SLC39A10: variants seen among roughly 807,000 people sequenced by gnomAD.
The protein encoded by SLC39A10 is solute carrier family 39 member 10.
Under a neutral mutation model 65.1 loss-of-function variants are expected in SLC39A10, and 13 were observed. The ratio of observed to expected loss-of-function variants is 0.20; its 90% CI spans 0.13 to 0.32. The LOEUF (loss-of-function observed/expected upper bound fraction) is 0.32, where lower values mean the gene tolerates loss of function less well. Among genes scored for constraint, SLC39A10 ranks in the 10% least tolerant of loss-of-function variants. The pLI, the probability that SLC39A10 is intolerant of heterozygous loss-of-function variation, is 1.00. For synonymous variants in SLC39A10, 321 were observed against 342.2 expected, an observed-to-expected ratio of 0.94 and a Z score of 0.68; for missense variants, 831 against 1,018.4, an observed-to-expected ratio of 0.82 and a Z score of 2.50.
At chr2:195,624,510 A>G (rs1688421739) in intron 2 of SLC39A10, among the ~76,000 whole-genome samples, 1 of 152,156 alleles carries the variant, frequency 6.6e-6, no homozygotes, top group South Asian at 2.1e-4. Flanking sequence ...TGTTGTTTCC[A>G]GGTATTAAAG....
At chr2:195,615,221 A>G (rs1688180193) in intron 2 of SLC39A10, among the ~76,000 whole-genome samples, 1 of 152,190 alleles carries the variant, frequency 6.6e-6, no homozygotes, top group African/African-American at 2.4e-5. Flanking sequence ...TATCATCACA[A>G]TGCAGTTTCT....
At position 195,735,200 on chromosome 2, in the gene SLC39A10, C is replaced by G. The variant is rs1260928348; in HGVS notation, c.*159C>G. 1 of 606,894 alleles carries G rather than the reference C, an allele frequency of 1.6e-6. No homozygotes were observed. Among genetic ancestry groups the G allele is most frequent in the African/African-American group, 1.9e-5 (1 of 52,040 alleles). The allele number at this position is 606,894 out of a possible 1,614,324, so 37.6% of individuals were successfully genotyped here. A position where few individuals can be genotyped will look rare whatever the true frequency, so the allele number is the denominator to read the frequency against. On this transcript the variant is annotated 3_prime_UTR_variant, in exon 10 of 10. Coordinates refer to ENST00000359634, the MANE Select transcript of SLC39A10 (RefSeq NM_020342.3). ...AACCACAAGAGGCTGGTGCTTAGTA[C>G]TGTTTTCCCTGCACGTAGGGGTCTT...
chr2:195,640,347 A>G (rs1309644039), intron 2 of SLC39A10, among the ~76,000 whole-genome samples: 1 of 152,068 alleles, frequency 6.6e-6, no homozygotes, highest in African/African-American at 2.4e-5. Flanking sequence ...AAAGAAAAAA[A>G]AAAAAAAAAC....
rs1224723017 is a variant in SLC39A10 at position 195,736,836 on chromosome 2, G to GGT, written c.*1797_*1798dup. ...GGCCCTTCAAGCAACCTAGCTAAAA[G>GGT]GTGCTGATATTTTATTTAGTACTGC... On this transcript the variant is annotated 3_prime_UTR_variant, in exon 10 of 10. Coordinates refer to ENST00000359634, the MANE Select transcript of SLC39A10 (RefSeq NM_020342.3). 2.6e-5 allele frequency: 4 copies of GGT among 152,508 alleles called. No individual in the cohort carries two copies. The highest frequency in any genetic ancestry group is 2.0e-4 in the Admixed American group (3 of 15,264). The allele number at this position is 152,508 out of a possible 1,614,324, so 9.4% of individuals were successfully genotyped here.
In SLC39A10 at chr2:195,716,346, G is replaced by C. The variant is rs560089409; in HGVS notation, c.1697-291G>C. 2.6e-5 allele frequency among the ~76,000 whole-genome samples: 4 copies of C among 152,146 alleles called. No homozygotes were observed. The East Asian group carries it at 7.7e-4, about 29-fold the overall frequency. ...TTTTCTCCTCACTTTGCCTGCTTTTGATTTCAGTTCCCTCCCGTTGACCTC... is the reference window on the plus strand; with the variant it reads ...TTTTCTCCTCACTTTGCCTGCTTTTCATTTCAGTTCCCTCCCGTTGACCTC... On this transcript the variant is annotated intron_variant, in intron 6 of 9. Transcript: ENST00000359634.
chr2:195,718,200 T>G, intron 7 of SLC39A10, 52 bp from the exon 8 acceptor site: 1 of 1,432,056 alleles, frequency 7.0e-7, no homozygotes, highest in East Asian at 2.3e-5. Flanking sequence ...AATGAAAATG[T>G]GAAGAGTTAA....
rs200033686 is a variant in SLC39A10, at chr2:195,737,371, T to TC, written c.*2331dup. The stretch of plus-strand genomic sequence containing the variant: ...CCATATGAATTTTGGTATATATCAA[T>TC]CAATCAATCAATCACATTGCATTCA... On this transcript the variant is annotated 3_prime_UTR_variant, in exon 10 of 10. Transcript: ENST00000359634. 1,318 of 150,704 alleles carry TC rather than the reference T, an allele frequency of 8.7e-3. 16 individuals are homozygous for TC. Among genetic ancestry groups the TC allele is most frequent in the Non-Finnish European group, 0.011 (749 of 67,534 alleles). 9.3% of individuals were successfully genotyped at this position (150,704 alleles called of 1,614,324 possible).
At chr2:195,716,535 AC>A in intron 6 of SLC39A10, 101 bp from the exon 7 acceptor site, 1 of 882,350 alleles carries the variant, frequency 1.1e-6, no homozygotes, top group Non-Finnish European at 1.6e-6. Flanking sequence ...ATTCTAAAAG[AC>A]ATTCACTTAA....
intron 2 of SLC39A10, among the ~76,000 whole-genome samples, chr2:195,617,796 G>A (rs1246408796): frequency 6.6e-6 from 1 of 150,576 alleles, no homozygotes; most frequent in Non-Finnish European, 1.5e-5. Flanking sequence ...CTGGAGTGCA[G>A]TGGCACAATC....
At chr2:195,633,322 C>G (rs1408335671) in intron 2 of SLC39A10, among the ~76,000 whole-genome samples, 1 of 152,254 alleles carries the variant, frequency 6.6e-6, no homozygotes, top group African/African-American at 2.4e-5. Flanking sequence ...TGAGCGGTTG[C>G]AGGAGGCTAG....
At chr2:195,646,897 T>A (rs1688931200) in intron 2 of SLC39A10, among the ~76,000 whole-genome samples, 1 of 152,122 alleles carries the variant, frequency 6.6e-6, no homozygotes, top group African/African-American at 2.4e-5. Context: ...CCCCCTGCCA[T>A]CTGTGGAAAA....
intron 2 of SLC39A10, among the ~76,000 whole-genome samples, chr2:195,637,658 A>G: frequency 6.6e-6 from 1 of 152,256 alleles, no homozygotes; most frequent in East Asian, 1.9e-4. Flanking sequence ...GCTCATTCTT[A>G]ACCATAATTG....
At chr2:195,662,501 C>CTT (rs10684556) in intron 1 of SLC39A10, among the ~76,000 whole-genome samples, 151,714 of 152,288 alleles carry the variant, frequency 1, 75,577 homozygotes, top group Middle Eastern at 1. Context: ...GTCTCAAACT[C>CTT]GAACTCAAGT....
At chr2:195,724,069 A>G (rs1692147399) in intron 8 of SLC39A10, among the ~76,000 whole-genome samples, 1 of 152,240 alleles carries the variant, frequency 6.6e-6, no homozygotes, top group Non-Finnish European at 1.5e-5. Flanking sequence ...GAAATTGAAC[A>G]TTCATTGTAT....
At chr2:195,629,463 G>C (rs1688540510) in intron 2 of SLC39A10, among the ~76,000 whole-genome samples, 1 of 150,364 alleles carries the variant, frequency 6.7e-6, no homozygotes, top group Non-Finnish European at 1.5e-5. Context: ...ACAGTTTATA[G>C]CCAGGTCCCA....
chr2:195,622,617 A>C (rs1002169165), intron 2 of SLC39A10, among the ~76,000 whole-genome samples: 2 of 152,204 alleles, frequency 1.3e-5, no homozygotes. Context: ...AGGGAGTTTT[A>C]AAAGAGCTCA....
At chr2:195,726,036 C>T (rs1301909690) in intron 8 of SLC39A10, among the ~76,000 whole-genome samples, 1 of 152,154 alleles carries the variant, frequency 6.6e-6, no homozygotes, top group African/African-American at 2.4e-5. Flanking sequence ...TGTCCAAATT[C>T]ATAGAAGTCT....
At chr2:195,659,867 TCC>T (rs2105727455) in intron 1 of SLC39A10, among the ~76,000 whole-genome samples, 1 of 152,264 alleles carries the variant, frequency 6.6e-6, no homozygotes, top group Non-Finnish European at 1.5e-5. Context: ...CTCCACTCCC[TCC>T]TTGACTACCC....
At chr2:195,676,102 T>C (rs1159369625) in intron 1 of SLC39A10, among the ~76,000 whole-genome samples, 1 of 152,208 alleles carries the variant, frequency 6.6e-6, no homozygotes, top group East Asian at 1.9e-4. Context: ...TTATATACTC[T>C]GGATACTGAT....
Sources: allele counts gnomAD v4.1 joint callset (sites outside exome capture counted in the v4.1 genomes callset), GRCh38; gene constraint gnomAD v4.1.1; transcripts MANE v1.5; gene names NCBI Gene and HGNC (gene_info 2026-07-23, HGNC 2026-07-21).